Variants in RTN4 observed in about 807,000 individuals in gnomAD.
RTN4 encodes reticulon-4.
A neutral mutation model predicts 90.4 loss-of-function variants in RTN4; 32 were observed. The ratio of observed to expected loss-of-function variants is 0.35; its 90% CI spans 0.27 to 0.48. The LOEUF is 0.48. Among genes scored for constraint, RTN4 ranks in the 20% least tolerant of loss-of-function variants. RTN4 has a pLI of 0.99. For synonymous variants in RTN4, 629 were observed against 552.5 expected (o/e 1.14, Z -1.94); for missense variants, 1,706 against 1,430.2 (o/e 1.19, Z -3.11).
chr2:55,089,922 T>C (rs1668907350), intron 1 of RTN4, among the ~76,000 whole-genome samples: 1 of 152,126 alleles, frequency 6.6e-6, no homozygotes, highest in Admixed American at 6.5e-5. Context: ...CAGCAGCAAC[T>C]AGACTGACTC....
the RTN4 span, among the ~76,000 whole-genome samples, chr2:55,119,502 G>A: frequency 6.6e-6 from 1 of 152,170 alleles, no homozygotes; most frequent in Non-Finnish European, 1.5e-5. Context: ...AGGGGACACA[G>A]ACTTATTGGA....
Position 55,050,194 on chromosome 2 carries a change from T to C in RTN4, c.107A>G (p.Glu36Gly). Residue 36 changes from glutamate to glycine, a missense_variant, in exon 1 of 9, where the codon GAA becomes GGA. By Grantham distance (98) the Glu-to-Gly change is moderately conservative. Coordinates refer to ENST00000337526, the MANE Select transcript of RTN4 (RefSeq NM_020532.5). The surrounding 1 kb of genome is among the most constrained non-coding windows in gnomAD (Gnocchi z 4.6). The stretch of plus-strand genomic sequence containing the variant: ...GTCCTCCTCTTCCTCCTCCTCTTCT[T>C]CCTCCTCGTCCTCGGGCTCCCTCAC... ...QFVREPEDEE[E>G]EEEEEEEDED... is the part of the protein sequence containing the mutation. 1 of 1,569,336 alleles carries C rather than the reference T, an allele frequency of 6.4e-7. No homozygotes were observed. Among genetic ancestry groups the C allele is most frequent in the Non-Finnish European group, 8.6e-7 (1 of 1,162,448 alleles).
intron 1 of RTN4, among the ~76,000 whole-genome samples, chr2:55,105,554 C>T (rs144061495): frequency 4.3e-4 from 65 of 152,082 alleles, no homozygotes; most frequent in East Asian, 7.7e-4. Context: ...ATTTATTTTA[C>T]GCAAGCTCTG....
At chr2:55,116,067 T>C (rs1035925117), upstream of RTN4, among the ~76,000 whole-genome samples, 9 of 148,444 alleles carry the variant, frequency 6.1e-5, no homozygotes, top group Admixed American at 4.7e-4. Context: ...AAGAGGATCA[T>C]ATAACAAGGA....
intron 1 of RTN4, among the ~76,000 whole-genome samples, chr2:55,044,532 G>A (rs978844126): frequency 6.6e-6 from 1 of 152,132 alleles, no homozygotes; most frequent in African/African-American, 2.4e-5. Flanking sequence ...ACAAAAGTGA[G>A]ACCATTGTTT....
At chr2:55,065,164 T>C (rs940503936) in intron 2 of RTN4, among the ~76,000 whole-genome samples, 3 of 152,224 alleles carry the variant, frequency 2.0e-5, no homozygotes, top group South Asian at 4.1e-4. Context: ...CGGGAGTTTT[T>C]TCATATCAGA....
chr2:54,999,873 G>C (rs1405431057), intron 3 of RTN4, among the ~76,000 whole-genome samples: 1 of 152,134 alleles, frequency 6.6e-6, no homozygotes, highest in Non-Finnish European at 1.5e-5. Flanking sequence ...AAAAGGATCT[G>C]TGCAGAGTTT....
At chr2:55,088,881 G>C (rs778066936) in intron 1 of RTN4, among the ~76,000 whole-genome samples, 19 of 152,090 alleles carry the variant, frequency 1.2e-4, no homozygotes, top group Admixed American at 3.3e-4. Flanking sequence ...GCAGTTTATT[G>C]GTCTCCCATC....
intron 3 of RTN4, among the ~76,000 whole-genome samples, chr2:55,007,957 C>T (rs1680353472): frequency 6.6e-6 from 1 of 152,040 alleles, no homozygotes; most frequent in South Asian, 2.1e-4. Flanking sequence ...TTTTAAGCTC[C>T]TAAAAATCTT....
Position 54,987,576 on chromosome 2 carries a change from C to CACTA in RTN4, c.3135_3136insTAGT (p.Ala1046Ter). The CACTA allele has an allele frequency of 6.2e-7, 1 of 1,614,140 alleles. No homozygotes were observed. Among genetic ancestry groups the CACTA allele is most frequent in the South Asian group, 1.1e-5 (1 of 91,078 alleles). On this transcript the variant is annotated stop_gained and frameshift_variant, in exon 4 of 9. Coordinates refer to ENST00000337526, the MANE Select transcript of RTN4 (RefSeq NM_020532.5). LOFTEE classifies it high-confidence loss of function. ...AAGCTGATGGTCACAGAGAGCAGGG[C>CACTA]CAAGGCAATGTAGGCTGTTACGCTC...
At chr2:54,993,826 T>G (rs1679213117) in intron 3 of RTN4, among the ~76,000 whole-genome samples, 1 of 152,084 alleles carries the variant, frequency 6.6e-6, no homozygotes, top group Non-Finnish European at 1.5e-5. Context: ...TAAGATAATA[T>G]GAATATATCC....
chr2:54,991,099 A>G (rs1475591212), intron 3 of RTN4, among the ~76,000 whole-genome samples: 4 of 152,158 alleles, frequency 2.6e-5, no homozygotes, highest in African/African-American at 9.7e-5. Flanking sequence ...TCTATTTTTC[A>G]TATGAACAAA....
chr2:55,117,596 G>A (rs150329931), upstream of RTN4, among the ~76,000 whole-genome samples: 73 of 152,288 alleles, frequency 4.8e-4, no homozygotes, highest in Non-Finnish European at 9.1e-4. Flanking sequence ...ATGAGAGGGC[G>A]TGGCAGCTCT....
chr2:54,973,908 G>A lies in RTN4; in HGVS notation c.3431-41C>T, dbSNP rs768782025. ...TACAACTTTTCAAAAAGAACGGAAT[G>A]ATTTGGGAGGAATAAACACTCAAAA... is the stretch of plus-strand genomic sequence containing the variant. On this transcript the variant is annotated intron_variant, in intron 6 of 8. Coordinates refer to ENST00000337526, the MANE Select transcript of RTN4 (RefSeq NM_020532.5). The A allele has an allele frequency of 5.2e-6, 8 of 1,545,468 alleles. No homozygotes were observed. The South Asian group carries it at 8.0e-5, about 15-fold the overall frequency.
intron 1 of RTN4, among the ~76,000 whole-genome samples, chr2:55,101,367 TG>T (rs1667850186): frequency 6.6e-6 from 1 of 152,136 alleles, no homozygotes. Flanking sequence ...CATTATCCAT[TG>T]TAATAATAAT....
At chr2:55,043,470 T>C (rs1359004407) in intron 1 of RTN4, among the ~76,000 whole-genome samples, 1 of 152,148 alleles carries the variant, frequency 6.6e-6, no homozygotes, top group Non-Finnish European at 1.5e-5. Context: ...TGAAAATAAA[T>C]GGCGGGGCAC....
Position 55,026,108 on chromosome 2 carries a change from C to T in RTN4, c.1991G>A (p.Ser664Asn), listed in dbSNP as rs1404936864. 2 of 1,613,270 alleles carry T rather than the reference C, an allele frequency of 1.2e-6. No homozygotes were observed. The highest frequency in any genetic ancestry group is 1.3e-5 in the African/African-American group (1 of 74,864). Residue 664 changes from serine to asparagine, a missense_variant, in exon 3 of 9, where the codon AGT becomes AAT. Coordinates refer to ENST00000337526, the MANE Select transcript of RTN4 (RefSeq NM_020532.5). ...TCCTGATACTTTTTTTAGTGATACACTCATGGCCTCTTCATATGGTGGGGG... is the reference window on the plus strand; with the variant it reads ...TCCTGATACTTTTTTTAGTGATACATTCATGGCCTCTTCATATGGTGGGGG... ...ENPPPYEEAMSVSLKKVSGIK... is the reference protein window; with the variant it reads ...ENPPPYEEAMNVSLKKVSGIK...
chr2:55,099,035 T>C (rs1177958637), intron 1 of RTN4, among the ~76,000 whole-genome samples: 1 of 152,146 alleles, frequency 6.6e-6, no homozygotes, highest in East Asian at 1.9e-4. Context: ...ACGTTAGCAA[T>C]CACTTCTCCT....
At chr2:55,067,457 G>A (rs1668415176) in intron 2 of RTN4, among the ~76,000 whole-genome samples, 1 of 148,548 alleles carries the variant, frequency 6.7e-6, no homozygotes, top group South Asian at 2.1e-4. Flanking sequence ...CTGTTACCCA[G>A]ACTGGAGTGC....
Sources: gnomAD v4.1 joint callset for allele counts (sites outside exome capture counted in the v4.1 genomes callset) on GRCh38, gnomAD v4.1.1 for gene constraint, Gnocchi (gnomAD v3.1) non-coding constraint, MANE v1.5 for transcripts, NCBI Gene and HGNC (gene_info 2026-07-23, HGNC 2026-07-21) for gene names.